STK10: variants seen among roughly 807,000 people sequenced by gnomAD.
The protein encoded by STK10 is serine/threonine kinase 10, also known as serine/threonine-protein kinase 10.
In STK10, 78 loss-of-function variants were observed where a neutral mutation model predicts 113.8. That is an observed-to-expected ratio of 0.69 (90% confidence interval 0.57 to 0.83). The LOEUF (loss-of-function observed/expected upper bound fraction) is 0.83, where lower values mean the gene tolerates loss of function less well. STK10 is among the 40% of genes least tolerant of loss of function. The pLI, the probability that STK10 is intolerant of heterozygous loss-of-function variation, is 0.00. For missense variants in STK10, 1,109 were observed against 1,280.1 expected (o/e 0.87, Z 2.04); for synonymous variants, 465 against 494.7 (o/e 0.94, Z 0.80).
At chr5:172,078,618 TTAAAAAAA>T (rs1768361407) in intron 12 of STK10, among the ~76,000 whole-genome samples, 3 of 53,478 alleles carry the variant, frequency 5.6e-5, no homozygotes, top group African/African-American at 7.4e-5. Flanking sequence ...AGCCTCATCA[TTAAAAAAA>T]AAAAAAAAAA....
chr5:172,046,404 T>C (rs1236578365), intron 18 of STK10, among the ~76,000 whole-genome samples: 1 of 151,116 alleles, frequency 6.6e-6, no homozygotes, highest in Admixed American at 6.6e-5. Context: ...TGGCCAAACA[T>C]ACCATGCCTG....
intron 1 of STK10, among the ~76,000 whole-genome samples, chr5:172,169,063 C>T (rs1390160620): frequency 6.6e-6 from 1 of 152,160 alleles, no homozygotes; most frequent in Non-Finnish European, 1.5e-5. Flanking sequence ...CATGCTCCCT[C>T]CTCCACAGAG....
chr5:172,168,916 T>C (rs543027120), intron 1 of STK10, among the ~76,000 whole-genome samples: 1 of 152,268 alleles, frequency 6.6e-6, no homozygotes, highest in Admixed American at 6.5e-5. Context: ...CAAGGGCTCC[T>C]AGCTGCTGAC....
intron 6 of STK10, among the ~76,000 whole-genome samples, chr5:172,106,401 C>CAGAAAAAAAAAAAAAAAAAA (rs1475870342): frequency 1.9e-5 from 1 of 53,442 alleles, no homozygotes; most frequent in Non-Finnish European, 3.8e-5. Context: ...GACCCTATCT[C>CAGAAAAAAAAAAAAAAAAAA]AAAAAAAAAA....
intron 18 of STK10, chr5:172,045,412 C>T (rs1397165055): frequency 1.5e-5 from 7 of 462,806 alleles, no homozygotes; most frequent in Non-Finnish European, 2.6e-5. Context: ...TTTTTTTTTT[C>T]AAAATACACA....
chr5:172,111,134 CG>C (rs1463413059), intron 4 of STK10, among the ~76,000 whole-genome samples: 1 of 152,148 alleles, frequency 6.6e-6, no homozygotes, highest in East Asian at 1.9e-4. Context: ...CTCTGGCAGG[CG>C]GCTCCCCTGG....
At chr5:172,154,623 G>A (rs1281315369) in intron 2 of STK10, among the ~76,000 whole-genome samples, 1 of 152,176 alleles carries the variant, frequency 6.6e-6, no homozygotes, top group African/African-American at 2.4e-5. Flanking sequence ...AATGGTCTTG[G>A]CCACAGCAGT....
rs553746434 is a variant in STK10, at chr5:172,171,358, G to A, written c.157-14570C>T. On this transcript the variant is annotated intron_variant, in intron 1 of 18. Coordinates refer to ENST00000176763, the MANE Select transcript of STK10 (RefSeq NM_005990.4). The stretch of plus-strand genomic sequence containing the variant: ...ACCTTTACATAATGAAGATGTAACC[G>A]CTCCTCCTCCAGAAGCTGTTGTGAG... Among the ~76,000 whole-genome samples the A allele has an allele frequency of 2.7e-4, 41 of 152,038 alleles. 1 individual carries two copies. The highest frequency in any genetic ancestry group is 5.9e-4 in the Admixed American group (9 of 15,262).
At chr5:172,181,514 G>A (rs1770855656) in intron 1 of STK10, among the ~76,000 whole-genome samples, 1 of 148,716 alleles carries the variant, frequency 6.7e-6, no homozygotes, top group South Asian at 2.1e-4. Context: ...ACAGAGTCTC[G>A]CTGTGTCACT....
At chr5:172,088,954 C>T (rs138419521) in intron 10 of STK10, among the ~76,000 whole-genome samples, 1 of 152,290 alleles carries the variant, frequency 6.6e-6, no homozygotes, top group Non-Finnish European at 1.5e-5. Context: ...CTCCCTGTTC[C>T]AGTCCTTTAC....
intron 1 of STK10, among the ~76,000 whole-genome samples, chr5:172,162,401 C>G (rs1279615492): frequency 6.6e-6 from 1 of 152,108 alleles, no homozygotes; most frequent in African/African-American, 2.4e-5. Flanking sequence ...AGCCACCCAT[C>G]ATTTAAGTTA....
At chr5:172,078,859 A>T (rs1024075563) in intron 12 of STK10, among the ~76,000 whole-genome samples, 1 of 151,410 alleles carries the variant, frequency 6.6e-6, no homozygotes, top group African/African-American at 2.4e-5. Flanking sequence ...AGTTCTGGGA[A>T]AGGGTGAGGA....
chr5:172,151,640 G>A (rs1392930974), intron 2 of STK10, among the ~76,000 whole-genome samples: 3 of 152,130 alleles, frequency 2.0e-5, no homozygotes, highest in Admixed American at 6.6e-5. Flanking sequence ...CACTGCGCCC[G>A]GCCCACTTCA....
chr5:172,179,320 G>C (rs898238897), intron 1 of STK10, among the ~76,000 whole-genome samples: 1 of 152,116 alleles, frequency 6.6e-6, no homozygotes, highest in Admixed American at 6.5e-5. Context: ...AGATCCTACT[G>C]AGCCCCAAAT....
rs5873300 is a variant in STK10 at position 172,089,393 on chromosome 5, CATGGATGGATGG to C, written c.1685+827_1685+838del. Among the ~76,000 whole-genome samples, 1,031 of 132,980 alleles carry C rather than the reference CATGGATGGATGG, an allele frequency of 7.8e-3. 15 individuals are homozygous for C. Among genetic ancestry groups the C allele is most frequent in the African/African-American group, 0.027 (831 of 31,064 alleles). 87.2% of individuals were successfully genotyped at this position (132,980 alleles called of 152,430 possible). A position where few individuals can be genotyped will look rare whatever the true frequency, so the allele number is the denominator to read the frequency against. ...CTCCAACCTGGTGGGTTGGTGGATACATGGATGGATGGATGGATGGATGGATGGATGGATGGA... is the reference window on the plus strand; with the variant it reads ...CTCCAACCTGGTGGGTTGGTGGATACATGGATGGATGGATGGATGGATGGA... On this transcript the variant is annotated intron_variant, in intron 10 of 18. Coordinates refer to ENST00000176763, the MANE Select transcript of STK10 (RefSeq NM_005990.4).
At chr5:172,113,934 C>T (rs188512943) in intron 4 of STK10, among the ~76,000 whole-genome samples, 9 of 151,388 alleles carry the variant, frequency 5.9e-5, no homozygotes, top group Non-Finnish European at 1.3e-4. Flanking sequence ...AAAAGAAAAA[C>T]TAATATTTAC....
chr5:172,187,800 G>A lies in STK10; in HGVS notation c.156+87C>T, dbSNP rs776877983. 73 of 1,545,504 alleles carry A rather than the reference G, an allele frequency of 4.7e-5. No homozygotes were observed. Among genetic ancestry groups the A allele is most frequent in the African/African-American group, 4.1e-4 (30 of 72,652 alleles). On this transcript the variant is annotated intron_variant, in intron 1 of 18. Transcript: ENST00000176763. This position sits in a 1 kb window ranked among gnomAD's most constrained non-coding sequence, Gnocchi z 4.6. ...CAGCGCCGGGCAGCCCTCGGAGCCGGAGCCAGGCTGGCCGGGTCCGGCTCA... is the reference window on the plus strand; with the variant it reads ...CAGCGCCGGGCAGCCCTCGGAGCCGAAGCCAGGCTGGCCGGGTCCGGCTCA...
chr5:172,108,003 G>A (rs569359720), intron 4 of STK10, 151 bp from the exon 5 acceptor site: 98 of 630,278 alleles, frequency 1.6e-4, no homozygotes, highest in Middle Eastern at 5.3e-4. Context: ...AAGACTATCT[G>A]CTGCTGAGAG....
In STK10 at chr5:172,083,024, C is replaced by T. The variant is rs868608504; in HGVS notation, c.1746G>A (p.Gln582=). ...GCTGCAGCTCATGCTTGTTACTCAGCTGGGTCTGGTTCCGATGCTCTTCTT... is the reference window on the plus strand; with the variant it reads ...GCTGCAGCTCATGCTTGTTACTCAGTTGGGTCTGGTTCCGATGCTCTTCTT... ...LQKEEHRNQT[Q]LSNKHELQLE... The change falls in exon 11 of 19, where the codon CAG becomes CAA. Residue 582 remains glutamine, a synonymous_variant. Coordinates refer to ENST00000176763, the MANE Select transcript of STK10 (RefSeq NM_005990.4). The T allele has an allele frequency of 6.2e-7, 1 of 1,614,034 alleles. No homozygotes were observed. Among genetic ancestry groups the T allele is most frequent in the African/African-American group, 1.3e-5 (1 of 74,938 alleles).
Sources: allele counts gnomAD v4.1 joint callset (sites outside exome capture counted in the v4.1 genomes callset), GRCh38; gene constraint gnomAD v4.1.1; non-coding constraint Gnocchi (gnomAD v3.1); transcripts MANE v1.5; gene names NCBI Gene and HGNC (gene_info 2026-07-23, HGNC 2026-07-21).